The following AGAP1 variants were observed in gnomAD, a reference collection of about 807,000 sequenced individuals.
AGAP1 encodes ArfGAP with GTPase domain, ankyrin repeat and PH domain 1.
Under a neutral mutation model 105.3 loss-of-function variants are expected in AGAP1, and 29 were observed. That is an observed-to-expected ratio of 0.28 (90% confidence interval 0.21 to 0.38). AGAP1 has a LOEUF of 0.38. AGAP1 is among the 10% of genes least tolerant of loss of function. The pLI is 1.00. For synonymous variants in AGAP1, 509 were observed against 485.9 expected (o/e 1.05, Z -0.63); for missense variants, 998 against 1,165.1 (o/e 0.86, Z 2.09).
chr2:235,971,152 G>A lies in AGAP1; in HGVS notation c.1645+2529G>A, dbSNP rs1026168739. Among the ~76,000 whole-genome samples the A allele has an allele frequency of 6.6e-6, 1 of 152,122 alleles. No individual in the cohort carries two copies. Among genetic ancestry groups the A allele is most frequent in the Non-Finnish European group, 1.5e-5 (1 of 68,020 alleles). The stretch of plus-strand genomic sequence containing the variant: ...CAGCGGCTATGACATCTTTCCAATA[G>A]CAAATAAGTCATAAGTTATTTATAA... On this transcript the variant is annotated intron_variant, in intron 13 of 17. Coordinates refer to ENST00000304032, the MANE Select transcript of AGAP1 (RefSeq NM_001037131.3). This position sits in a 1 kb window ranked among gnomAD's most constrained non-coding sequence, Gnocchi z 4.8.
chr2:235,972,856 G>T (rs2054709712), intron 13 of AGAP1, among the ~76,000 whole-genome samples: 1 of 152,150 alleles, frequency 6.6e-6, no homozygotes, highest in Admixed American at 6.5e-5. Context: ...AGAGGGCAGG[G>T]GTATGTGCTC....
At chr2:235,990,524 G>A (rs942700352) in intron 13 of AGAP1, among the ~76,000 whole-genome samples, 5 of 152,230 alleles carry the variant, frequency 3.3e-5, no homozygotes, top group Non-Finnish European at 7.3e-5. Flanking sequence ...CTGTCAGCCA[G>A]AACACCTACA....
At chr2:235,986,589 T>TATG (rs2055324930) in intron 13 of AGAP1, among the ~76,000 whole-genome samples, 1 of 152,212 alleles carries the variant, frequency 6.6e-6, no homozygotes, top group African/African-American at 2.4e-5. Flanking sequence ...GCACATTAAA[T>TATG]ATGATATTGC....
chr2:235,762,394 C>T (rs993001788), intron 6 of AGAP1, among the ~76,000 whole-genome samples: 8 of 152,092 alleles, frequency 5.3e-5, no homozygotes, highest in Non-Finnish European at 1.2e-4. Flanking sequence ...GGAATTCAGG[C>T]TCCGAGCAGA....
chr2:235,667,988 T>G (rs551699991), intron 1 of AGAP1, among the ~76,000 whole-genome samples: 3 of 116,276 alleles, frequency 2.6e-5, no homozygotes, highest in East Asian at 2.6e-4. Flanking sequence ...AAAAAAAGTC[T>G]TCTTTATTGA....
intron 16 of AGAP1, among the ~76,000 whole-genome samples, chr2:236,085,218 A>AT (rs1337848707): frequency 5.3e-5 from 8 of 150,072 alleles, no homozygotes; most frequent in African/African-American, 1.9e-4. Flanking sequence ...TCCGTCTCAA[A>AT]AAAAAAAAAA....
intron 1 of AGAP1, among the ~76,000 whole-genome samples, chr2:235,616,247 G>T (rs1051250087): frequency 9.2e-5 from 14 of 152,014 alleles, no homozygotes; most frequent in Admixed American, 2.0e-4. Context: ...TGTAGTCCCA[G>T]CTACTGGGGA....
At position 235,934,460 on chromosome 2, in the gene AGAP1, C is replaced by T. The variant is rs2052889997; in HGVS notation, c.1483+3537C>T. Among the ~76,000 whole-genome samples the T allele has an allele frequency of 6.6e-6, 1 of 152,302 alleles. No individual in the cohort carries two copies. The highest frequency in any genetic ancestry group is 1.9e-4 in the East Asian group (1 of 5,182). On this transcript the variant is annotated intron_variant, in intron 12 of 17. Transcript: ENST00000304032. The surrounding 1 kb of genome is among the most constrained non-coding windows in gnomAD (Gnocchi z 4.9). ...TCCCCCCTTTAGTGTGCTGCTTCGT[C>T]AAGTGGCCAGACCCCAGCAATGTTT...
intron 1 of AGAP1, among the ~76,000 whole-genome samples, chr2:235,515,124 T>G (rs745407931): frequency 6.6e-6 from 1 of 152,210 alleles, no homozygotes; most frequent in Non-Finnish European, 1.5e-5. Context: ...TTGTTTACCC[T>G]TCAAGCTGGG....
chr2:236,102,364 G>A (rs1378725577), intron 16 of AGAP1, among the ~76,000 whole-genome samples: 1 of 151,068 alleles, frequency 6.6e-6, no homozygotes, highest in Non-Finnish European at 1.5e-5. Context: ...CTTGCATTGA[G>A]GCGAGATCAT....
intron 13 of AGAP1, among the ~76,000 whole-genome samples, chr2:236,031,583 G>A (rs1403573902): frequency 2.0e-5 from 3 of 152,142 alleles, no homozygotes; most frequent in Admixed American, 2.0e-4. Flanking sequence ...CCAATCATGT[G>A]TGAGACGCTG....
rs559742488 is a variant in AGAP1, at chr2:235,728,790, C to T, written c.310+11146C>T. On this transcript the variant is annotated intron_variant, in intron 3 of 17. Coordinates refer to ENST00000304032, the MANE Select transcript of AGAP1 (RefSeq NM_001037131.3). This position sits in a 1 kb window ranked among gnomAD's most constrained non-coding sequence, Gnocchi z 4.3. The stretch of plus-strand genomic sequence containing the variant: ...GAAAGCGTGCCTAGTGGAGCAAGAG[C>T]GGGGCGGGGAGGAGGGGAAGCCAGC... Among the ~76,000 whole-genome samples, 9 of 152,156 alleles carry T rather than the reference C, an allele frequency of 5.9e-5. No individual in the cohort carries two copies. Among genetic ancestry groups the T allele is most frequent in the South Asian group, 2.1e-4 (1 of 4,818 alleles).
Position 236,046,418 on chromosome 2 carries a change from C to T in AGAP1, c.1892-2641C>T, listed in dbSNP as rs1157330592. ...CAGTTGCGATGCTGGTGAGGACGCC[C>T]ATGGGAGCATAAGTTCGAGAAGAAA... On this transcript the variant is annotated intron_variant, in intron 15 of 17. Transcript: ENST00000304032. The surrounding 1 kb of genome is among the most constrained non-coding windows in gnomAD (Gnocchi z 5.2). Among the ~76,000 whole-genome samples the T allele has an allele frequency of 2.0e-5, 3 of 152,140 alleles. No individual in the cohort carries two copies. Among genetic ancestry groups the T allele is most frequent in the South Asian group, 2.1e-4 (1 of 4,820 alleles).
chr2:235,543,096 C>CG (rs1943501200), intron 1 of AGAP1, among the ~76,000 whole-genome samples: 4 of 91,112 alleles, frequency 4.4e-5, no homozygotes, highest in South Asian at 3.8e-4. Flanking sequence ...CCTCCTCCCC[C>CG]TCCCCCCCCC....
rs1946105383 is a variant in AGAP1 at position 235,610,945 on chromosome 2, C to A, written c.164-98234C>A. Among the ~76,000 whole-genome samples, 1 of 151,998 alleles carries A rather than the reference C, an allele frequency of 6.6e-6. No homozygotes were observed. Among genetic ancestry groups the A allele is most frequent in the Non-Finnish European group, 1.5e-5 (1 of 68,012 alleles). ...TTTTCAGCCCCTCTGAAGAGCGGCC[C>A]AGTAGGATGGTTGACTGACGTTAGC... On this transcript the variant is annotated intron_variant, in intron 1 of 17. Transcript: ENST00000304032. This position sits in a 1 kb window ranked among gnomAD's most constrained non-coding sequence, Gnocchi z 4.9.
chr2:235,704,157 G>C (rs1307057060), intron 1 of AGAP1, among the ~76,000 whole-genome samples: 1 of 152,228 alleles, frequency 6.6e-6, no homozygotes, highest in East Asian at 1.9e-4. Context: ...TCATCTCTGA[G>C]GGCTGCGTTA....
rs2051325684 is a variant in AGAP1 at position 235,906,737 on chromosome 2, CCA to C, written c.1156-1998_1156-1997del. ...TCTTCTCATCCTCTGCCCTGAGGACCCACAGTTTCATTCCTTTCCCCTGAACT... is the reference window on the plus strand; with the variant it reads ...TCTTCTCATCCTCTGCCCTGAGGACCCAGTTTCATTCCTTTCCCCTGAACT... On this transcript the variant is annotated intron_variant, in intron 10 of 17. Transcript: ENST00000304032. The surrounding 1 kb of genome is among the most constrained non-coding windows in gnomAD (Gnocchi z 5.3). Among the ~76,000 whole-genome samples, 1 of 152,150 alleles carries C rather than the reference CCA, an allele frequency of 6.6e-6. No individual in the cohort carries two copies. Among genetic ancestry groups the C allele is most frequent in the Non-Finnish European group, 1.5e-5 (1 of 68,030 alleles).
chr2:235,759,386 G>A (rs572936837), intron 6 of AGAP1, among the ~76,000 whole-genome samples: 185 of 149,896 alleles, frequency 1.2e-3, no homozygotes, highest in African/African-American at 4.2e-3. Flanking sequence ...AGCCAGGATG[G>A]TCTTGATCTC....
At position 235,754,638 on chromosome 2, in the gene AGAP1, T is replaced by A. The variant is rs1452410430; in HGVS notation, c.673+4150T>A. Reference sequence around the variant, plus strand: ...GTTCGCTTGTGTGGTCCTGTTTACTTTGCTTTCATGGAGTTTCCAGATGGC... The same window carrying A: ...GTTCGCTTGTGTGGTCCTGTTTACTATGCTTTCATGGAGTTTCCAGATGGC... On this transcript the variant is annotated intron_variant, in intron 6 of 17. Coordinates refer to ENST00000304032, the MANE Select transcript of AGAP1 (RefSeq NM_001037131.3). This position sits in a 1 kb window ranked among gnomAD's most constrained non-coding sequence, Gnocchi z 4.6. Among the ~76,000 whole-genome samples the A allele has an allele frequency of 2.0e-5, 3 of 152,216 alleles. No homozygotes were observed. The highest frequency in any genetic ancestry group is 2.0e-4 in the Admixed American group (3 of 15,282).
Sources: gnomAD v4.1 joint callset for allele counts (sites outside exome capture counted in the v4.1 genomes callset) on GRCh38, gnomAD v4.1.1 for gene constraint, Gnocchi (gnomAD v3.1) non-coding constraint, MANE v1.5 for transcripts, NCBI Gene and HGNC (gene_info 2026-07-23, HGNC 2026-07-21) for gene names.